The following MFSD6 variants were observed in gnomAD, a reference collection of about 807,000 sequenced individuals.
MFSD6 encodes major facilitator superfamily domain-containing protein 6.
A neutral mutation model predicts 56.3 loss-of-function variants in MFSD6; 26 were observed. The ratio of observed to expected loss-of-function variants is 0.46; its 90% CI spans 0.34 to 0.64. MFSD6 has a LOEUF of 0.64. MFSD6 is among the 30% of genes least tolerant of loss of function. The pLI is 0.01. For synonymous variants in MFSD6, 331 were observed against 366.9 expected, an observed-to-expected ratio of 0.90 and a Z score of 1.12; for missense variants, 750 against 986.2, an observed-to-expected ratio of 0.76 and a Z score of 3.21.
chr2:190,493,944 A>G (rs1444123817), intron 6 of MFSD6, among the ~76,000 whole-genome samples: 2 of 152,162 alleles, frequency 1.3e-5, no homozygotes, highest in Non-Finnish European at 2.9e-5. Flanking sequence ...CTAAGGTCAC[A>G]CCTCAAGGAA....
Position 190,438,314 on chromosome 2 carries a change from G to A in MFSD6, c.1532+753G>A, listed in dbSNP as rs528224074. 1.3e-4 allele frequency among the ~76,000 whole-genome samples: 20 copies of A among 152,048 alleles called. No individual in the cohort carries two copies. Among genetic ancestry groups the A allele is most frequent in the Non-Finnish European group, 2.1e-4 (14 of 67,998 alleles). On this transcript the variant is annotated intron_variant, in intron 3 of 7. Transcript: ENST00000392328. The surrounding 1 kb of genome is among the most constrained non-coding windows in gnomAD (Gnocchi z 5.2). Reference sequence around the variant, plus strand: ...GTGGATCACTTGAGGTCAGGAGTTCGAGACCAGCCTGGCCAACATGGTGAA... The same window carrying A: ...GTGGATCACTTGAGGTCAGGAGTTCAAGACCAGCCTGGCCAACATGGTGAA...
At position 190,437,170 on chromosome 2, in the gene MFSD6, A is replaced by T. The variant is rs1166924989; in HGVS notation, c.1141A>T (p.Met381Leu). 1 of 1,614,096 alleles carries T rather than the reference A, an allele frequency of 6.2e-7. No homozygotes were observed. The highest frequency in any genetic ancestry group is 1.7e-5 in the Admixed American group (1 of 60,012). The change falls in exon 3 of 8, where the codon ATG (methionine) becomes TTG (leucine). Residue 381 changes from methionine to leucine, a missense_variant. Physicochemically the swap from Met to Leu is conservative, Grantham distance 15. Around this residue, in one of 5 missense-constraint regions of MFSD6, gnomAD observed 376 missense variants for 437.9 expected, o/e 0.86. Transcript: ENST00000392328. The surrounding 1 kb of genome is among the most constrained non-coding windows in gnomAD (Gnocchi z 5.9). ...VFIVFGVLMT[M>L]ALIVATQFRF... Reference sequence around the variant, plus strand: ...CATCGTCTTCGGCGTTCTCATGACCATGGCCTTGATCGTTGCCACTCAGTT... The same window carrying T: ...CATCGTCTTCGGCGTTCTCATGACCTTGGCCTTGATCGTTGCCACTCAGTT...
intron 2 of MFSD6, among the ~76,000 whole-genome samples, chr2:190,419,966 A>G (rs1685547358): frequency 6.6e-6 from 1 of 152,240 alleles, no homozygotes; most frequent in African/African-American, 2.4e-5. Flanking sequence ...ATTAGGATGA[A>G]CTGCAAACCT....
At chr2:190,484,507 T>C (rs753046765) in intron 4 of MFSD6, among the ~76,000 whole-genome samples, 32 of 152,218 alleles carry the variant, frequency 2.1e-4, no homozygotes, top group Non-Finnish European at 4.6e-4. Context: ...TCCTAAATCT[T>C]GTCTTACAAA....
chr2:190,483,089 T>A (rs1297559196), intron 4 of MFSD6, among the ~76,000 whole-genome samples: 1 of 150,848 alleles, frequency 6.6e-6, no homozygotes, highest in Non-Finnish European at 1.5e-5. Flanking sequence ...AGACGGGGTT[T>A]CACCTTGTTA....
intron 4 of MFSD6, among the ~76,000 whole-genome samples, chr2:190,481,841 GC>G (rs1688688574): frequency 6.6e-6 from 1 of 152,166 alleles, no homozygotes; most frequent in East Asian, 1.9e-4. Context: ...TGCTGCTGCT[GC>G]TGCTAAGTCC....
Position 190,477,178 on chromosome 2 carries a change from C to A in MFSD6, c.1630+7323C>A. The stretch of plus-strand genomic sequence containing the variant: ...ATGTAACAAACCTGCACGTTGTGCA[C>A]ATGTACCCTAAAACTTAAAGTATAA... On this transcript the variant is annotated intron_variant, in intron 4 of 7. Coordinates refer to ENST00000392328, the MANE Select transcript of MFSD6 (RefSeq NM_017694.4). 3 of 848,440 alleles carry A rather than the reference C, an allele frequency of 3.5e-6. No individual in the cohort carries two copies. In the African/African-American group the frequency reaches 5.5e-5, roughly 16 times the overall value. 52.6% of individuals were successfully genotyped at this position (848,440 alleles called of 1,614,324 possible).
rs971411310 is a variant in MFSD6, at chr2:190,489,402, T to C, written c.1793-366T>C. Among the ~76,000 whole-genome samples, 3 of 152,212 alleles carry C rather than the reference T, an allele frequency of 2.0e-5. No individual in the cohort carries two copies. The highest frequency in any genetic ancestry group is 2.0e-4 in the Admixed American group (3 of 15,286). On this transcript the variant is annotated intron_variant, in intron 5 of 7. Transcript: ENST00000392328. This position sits in a 1 kb window ranked among gnomAD's most constrained non-coding sequence, Gnocchi z 6.6. Reference sequence around the variant, plus strand: ...GAAATGCGTGCATTTATAGCACTATTTGAGCACTGCTGTTCCAACTACAGA... The same window carrying C: ...GAAATGCGTGCATTTATAGCACTATCTGAGCACTGCTGTTCCAACTACAGA...
intron 4 of MFSD6, among the ~76,000 whole-genome samples, chr2:190,476,919 C>G (rs1449783988): frequency 1.3e-5 from 2 of 151,872 alleles, no homozygotes; most frequent in South Asian, 2.1e-4. Context: ...ATGGATGAAG[C>G]TGGAAACCAT....
chr2:190,452,921 G>A (rs1343897457), intron 3 of MFSD6, among the ~76,000 whole-genome samples: 1 of 152,116 alleles, frequency 6.6e-6, no homozygotes, highest in Non-Finnish European at 1.5e-5. Context: ...TATCATTTAG[G>A]AAGAATTAAT....
intron 2 of MFSD6, among the ~76,000 whole-genome samples, chr2:190,420,437 C>G (rs1313529114): frequency 2.0e-5 from 3 of 152,076 alleles, no homozygotes; most frequent in African/African-American, 7.2e-5. Context: ...ATCTAATTAC[C>G]TCCAAACGGG....
Position 190,462,884 on chromosome 2 carries a change from C to T in MFSD6, c.1533-6874C>T, listed in dbSNP as rs1189719880. Among the ~76,000 whole-genome samples the T allele has an allele frequency of 6.6e-6, 1 of 152,186 alleles. No homozygotes were observed. Among genetic ancestry groups the T allele is most frequent in the African/African-American group, 2.4e-5 (1 of 41,446 alleles). ...GGTCACTGATTCTGTGGCCTTGTCT[C>T]CTCTCCTCTCTGGCCACTCTTACCA... On this transcript the variant is annotated intron_variant, in intron 3 of 7. Transcript: ENST00000392328. The surrounding 1 kb of genome is among the most constrained non-coding windows in gnomAD (Gnocchi z 5.7).
chr2:190,455,259 C>T (rs1162474188), intron 3 of MFSD6, among the ~76,000 whole-genome samples: 1 of 145,550 alleles, frequency 6.9e-6, no homozygotes, highest in Non-Finnish European at 1.5e-5. Flanking sequence ...TTCATTATTA[C>T]TATTAAGTTA....
In MFSD6 at chr2:190,431,040, G is replaced by A. The variant is rs1189434981; in HGVS notation, c.-53-4937G>A. ...ACCTCCCAGACGGGGTCGCGGCCGG[G>A]CAGAGGCGCTCCTCACCTCCCAGAC... On this transcript the variant is annotated intron_variant, in intron 2 of 7. Coordinates refer to ENST00000392328, the MANE Select transcript of MFSD6 (RefSeq NM_017694.4). This position sits in a 1 kb window ranked among gnomAD's most constrained non-coding sequence, Gnocchi z 4.4. Among the ~76,000 whole-genome samples the A allele has an allele frequency of 8.6e-6, 1 of 116,916 alleles. No individual in the cohort carries two copies. Among genetic ancestry groups the A allele is most frequent in the Non-Finnish European group, 2.0e-5 (1 of 48,874 alleles). The allele number at this position is 116,916 out of a possible 152,430, so 76.7% of individuals were successfully genotyped here. A position where few individuals can be genotyped will look rare whatever the true frequency, so the allele number is the denominator to read the frequency against.
rs1355495447 is a variant in MFSD6 at position 190,461,142 on chromosome 2, T to C, written c.1533-8616T>C. The stretch of plus-strand genomic sequence containing the variant: ...TTTAAATATGAACTTAGCTAGAATG[T>C]TGTATGGTTTTGAAGCCAAAATAGA... On this transcript the variant is annotated intron_variant, in intron 3 of 7. Transcript: ENST00000392328. This position sits in a 1 kb window ranked among gnomAD's most constrained non-coding sequence, Gnocchi z 5.5. Among the ~76,000 whole-genome samples the C allele has an allele frequency of 6.6e-6, 1 of 152,222 alleles. No individual in the cohort carries two copies. Among genetic ancestry groups the C allele is most frequent in the Non-Finnish European group, 1.5e-5 (1 of 68,042 alleles).
intron 3 of MFSD6, among the ~76,000 whole-genome samples, chr2:190,464,330 G>A (rs1485633975): frequency 6.6e-6 from 1 of 152,108 alleles, no homozygotes; most frequent in Non-Finnish European, 1.5e-5. Flanking sequence ...AATGCTTGTT[G>A]CCATCAGTCA....
In MFSD6 at chr2:190,437,118, C is replaced by G. The variant is rs772737705; in HGVS notation, c.1089C>G (p.Pro363=). The G allele has an allele frequency of 4.3e-6, 7 of 1,614,120 alleles. No homozygotes were observed. The highest frequency in any genetic ancestry group is 1.3e-5 in the African/African-American group (1 of 74,940). The part of the protein sequence containing the change: ...VLIDGKGCKP[P]EYRNYQIVFI... ...TCGATGGAAAGGGGTGTAAGCCCCCCGAGTACAGGAATTACCAGATCGTCT... is the reference window on the plus strand; with the variant it reads ...TCGATGGAAAGGGGTGTAAGCCCCCGGAGTACAGGAATTACCAGATCGTCT... Residue 363 remains proline, a synonymous_variant, in exon 3 of 8, where the codon CCC becomes CCG. Coordinates refer to ENST00000392328, the MANE Select transcript of MFSD6 (RefSeq NM_017694.4). The surrounding 1 kb of genome is among the most constrained non-coding windows in gnomAD (Gnocchi z 5.9).
At position 190,488,607 on chromosome 2, in the gene MFSD6, G is replaced by C; in HGVS notation, c.1631-50G>C. Reference sequence around the variant, plus strand: ...ATAATTCACATTTCAAAACAGAGTAGCCTAAGAAATGCTAACCAACTAATC... The same window carrying C: ...ATAATTCACATTTCAAAACAGAGTACCCTAAGAAATGCTAACCAACTAATC... On this transcript the variant is annotated intron_variant, in intron 4 of 7. Coordinates refer to ENST00000392328, the MANE Select transcript of MFSD6 (RefSeq NM_017694.4). The surrounding 1 kb of genome is among the most constrained non-coding windows in gnomAD (Gnocchi z 6.4). 1 of 1,384,312 alleles carries C rather than the reference G, an allele frequency of 7.2e-7. No homozygotes were observed. Among genetic ancestry groups the C allele is most frequent in the Middle Eastern group, 1.9e-4 (1 of 5,238 alleles). 85.8% of individuals were successfully genotyped at this position (1,384,312 alleles called of 1,614,324 possible). A position where few individuals can be genotyped will look rare whatever the true frequency, so the allele number is the denominator to read the frequency against.
At chr2:190,432,609 G>A (rs888715720) in intron 2 of MFSD6, among the ~76,000 whole-genome samples, 9 of 152,068 alleles carry the variant, frequency 5.9e-5, no homozygotes, top group Non-Finnish European at 1.3e-4. Flanking sequence ...TAGAGACAGG[G>A]TTTTGCCAAG....
Sources: gnomAD v4.1 joint callset for allele counts (sites outside exome capture counted in the v4.1 genomes callset) on GRCh38, gnomAD v4.1.1 for gene constraint, gnomAD v4.1.1 regional missense constraint, Gnocchi (gnomAD v3.1) non-coding constraint, MANE v1.5 for transcripts, NCBI Gene and HGNC (gene_info 2026-07-23, HGNC 2026-07-21) for gene names.